WFDC10B: variants seen among roughly 807,000 people sequenced by gnomAD.
WFDC10B encodes protein WFDC10B.
In WFDC10B, 1 loss-of-function variant was observed where a neutral mutation model predicts 2.7. That is an observed-to-expected ratio of 0.38 (90% CI 0.13 to 1.79). WFDC10B has a LOEUF of 1.79. Among genes scored for constraint, WFDC10B ranks in the 40% most tolerant of loss-of-function variants. WFDC10B has a pLI of 0.33. For missense variants in WFDC10B, 71 were observed against 87.8 expected, an observed-to-expected ratio of 0.81 and a Z score of 0.76; for synonymous variants, 26 against 32.2, an observed-to-expected ratio of 0.81 and a Z score of 0.65.
chr20:45,693,046 G>T lies in WFDC10B; in HGVS notation c.-64-6990C>A, dbSNP rs1983865186. On this transcript the variant is annotated intron_variant, in intron 2 of 3. Transcript: ENST00000330523. ...CTGTTTGTTAGTTTTCCTTCTAACA[G>T]ACAGGACCCTTAGCTGCAGGTCTGT... 3.3e-5 allele frequency among the ~76,000 whole-genome samples: 5 copies of T among 152,314 alleles called. No individual in the cohort carries two copies. In the South Asian group the frequency reaches 1.0e-3, roughly 32 times the overall value.
chr20:45,702,734 G>A (rs547826166), intron 2 of WFDC10B, among the ~76,000 whole-genome samples: 13 of 152,266 alleles, frequency 8.5e-5, no homozygotes, highest in Admixed American at 4.6e-4. Context: ...TACAATTACC[G>A]GTAATTAGCA....
Position 45,684,713 on chromosome 20 carries a change from G to T in WFDC10B, c.*117C>A. The T allele has an allele frequency of 7.3e-7, 1 of 1,374,602 alleles. No individual in the cohort carries two copies. The highest frequency in any genetic ancestry group is 1.0e-6 in the Non-Finnish European group (1 of 999,328). 85.2% of individuals were successfully genotyped at this position (1,374,602 alleles called of 1,614,324 possible). A position where few individuals can be genotyped will look rare whatever the true frequency, so the allele number is the denominator to read the frequency against. On this transcript the variant is annotated 3_prime_UTR_variant, in exon 4 of 4. Transcript: ENST00000330523. The stretch of plus-strand genomic sequence containing the variant: ...GGGAGTTCAGACACTGGGGAGGGTG[G>T]CATTCCTGTTGATGTTCTTGTGCTG...
At chr20:45,703,251 A>C (rs1479594953) in intron 2 of WFDC10B, among the ~76,000 whole-genome samples, 2 of 152,176 alleles carry the variant, frequency 1.3e-5, no homozygotes, top group Non-Finnish European at 2.9e-5. Flanking sequence ...AGTGTGGATT[A>C]GTTCCAATTT....
intron 2 of WFDC10B, among the ~76,000 whole-genome samples, chr20:45,698,970 A>C (rs1279947825): frequency 6.7e-6 from 1 of 150,042 alleles, no homozygotes; most frequent in Non-Finnish European, 1.5e-5. Flanking sequence ...TCCATCTAAA[A>C]AAAAAAAAAA....
At chr20:45,691,273 G>A (rs1393204273) in intron 2 of WFDC10B, among the ~76,000 whole-genome samples, 2 of 152,120 alleles carry the variant, frequency 1.3e-5, no homozygotes, top group Admixed American at 1.3e-4. Flanking sequence ...GTCAATTTTG[G>A]AATAGGTGTG....
At chr20:45,698,215 A>G (rs1984037499) in intron 2 of WFDC10B, among the ~76,000 whole-genome samples, 1 of 152,226 alleles carries the variant, frequency 6.6e-6, no homozygotes, top group African/African-American at 2.4e-5. Flanking sequence ...TGTTTTTCCC[A>G]GCAAGGCTGA....
chr20:45,689,156 T>C (rs1444538562), intron 2 of WFDC10B, among the ~76,000 whole-genome samples: 3,145 of 147,912 alleles, frequency 0.021, 60 homozygotes, highest in Non-Finnish European at 0.034. Context: ...GTTGTAGATA[T>C]GTGGCGTTAT....
chr20:45,695,367 G>A (rs1983945945), intron 2 of WFDC10B, among the ~76,000 whole-genome samples: 1 of 152,126 alleles, frequency 6.6e-6, no homozygotes, highest in African/African-American at 2.4e-5. Flanking sequence ...TTTCAATAAT[G>A]AATAGAACAT....
intron 2 of WFDC10B, among the ~76,000 whole-genome samples, chr20:45,687,860 T>TTTATTATTATTATTATTATTA (rs149834246): frequency 2.1e-5 from 3 of 145,342 alleles, no homozygotes; most frequent in African/African-American, 7.7e-5. Flanking sequence ...TGTCTTTTCT[T>TTTATTATTATTATTATTATTA]TTATTATTAT....
At chr20:45,687,785 G>C (rs1016494709) in intron 2 of WFDC10B, among the ~76,000 whole-genome samples, 2 of 151,714 alleles carry the variant, frequency 1.3e-5, no homozygotes, top group Non-Finnish European at 2.9e-5. Flanking sequence ...TTTATCGGCT[G>C]CATATATGTC....
At chr20:45,686,136 G>C (rs1983609395) in intron 2 of WFDC10B, 80 bp from the exon 3 acceptor site, 2 of 1,452,862 alleles carry the variant, frequency 1.4e-6, no homozygotes, top group African/African-American at 2.8e-5. Flanking sequence ...GGCAGAGCAA[G>C]AGTCCTTGCT....
chr20:45,688,973 G>T (rs1055707074), intron 2 of WFDC10B, among the ~76,000 whole-genome samples: 5 of 151,612 alleles, frequency 3.3e-5, no homozygotes, highest in African/African-American at 1.2e-4. Flanking sequence ...TATGGTTTTA[G>T]GTATAACGTT....
At chr20:45,701,479 A>G (rs962255563) in intron 2 of WFDC10B, among the ~76,000 whole-genome samples, 4 of 152,242 alleles carry the variant, frequency 2.6e-5, no homozygotes, top group South Asian at 4.1e-4. Flanking sequence ...TTCAAGCCTC[A>G]GACCAGGCGC....
chr20:45,702,530 T>G (rs757871762), intron 2 of WFDC10B, among the ~76,000 whole-genome samples: 1 of 152,216 alleles, frequency 6.6e-6, no homozygotes, highest in Non-Finnish European at 1.5e-5. Context: ...AGCCTCATCA[T>G]CCAGCTTAGT....
intron 2 of WFDC10B, chr20:45,701,878 G>T: frequency 4.3e-6 from 2 of 465,880 alleles, no homozygotes; most frequent in Middle Eastern, 5.7e-4. Context: ...AGATACAGAT[G>T]AAAGAGATAG....
chr20:45,692,279 G>C (rs6032437), intron 2 of WFDC10B, among the ~76,000 whole-genome samples: 89,773 of 151,160 alleles, frequency 0.59, 27,672 homozygotes, highest in East Asian at 0.98. Flanking sequence ...TTTTTTCCTT[G>C]ATTTCAACTT....
At chr20:45,685,820 C>T (rs1983593170) in intron 3 of WFDC10B, 82 bp downstream of exon 3, 1 of 1,564,260 alleles carries the variant, frequency 6.4e-7, no homozygotes, top group Non-Finnish European at 8.7e-7. Context: ...GTTGCAAGTC[C>T]TAGGTCCTAC....
intron 2 of WFDC10B, among the ~76,000 whole-genome samples, chr20:45,697,198 C>A (rs1331751073): frequency 6.6e-6 from 1 of 151,952 alleles, no homozygotes; most frequent in African/African-American, 2.4e-5. Flanking sequence ...TTTGTAAACA[C>A]CAGCAATGAG....
chr20:45,692,826 C>A (rs1983858479), intron 2 of WFDC10B, among the ~76,000 whole-genome samples: 1 of 152,228 alleles, frequency 6.6e-6, no homozygotes, highest in Non-Finnish European at 1.5e-5. Flanking sequence ...CTTCTCTCAA[C>A]TTGTCAAAGT....
Sources: gnomAD v4.1 joint callset for allele counts (sites outside exome capture counted in the v4.1 genomes callset) on GRCh38, gnomAD v4.1.1 for gene constraint, MANE v1.5 for transcripts, NCBI Gene and HGNC (gene_info 2026-07-23, HGNC 2026-07-21) for gene names.